The following TENM2 variants were observed in gnomAD, a reference collection of about 807,000 sequenced individuals.
The protein encoded by TENM2 is teneurin-2.
A neutral mutation model predicts 245.2 loss-of-function variants in TENM2; 52 were observed. The observed-to-expected ratio is 0.21, with a 90% CI of 0.17 to 0.27. The LOEUF (loss-of-function observed/expected upper bound fraction) is 0.27. TENM2 is among the 10% of genes least tolerant of loss of function. The probability of loss-of-function intolerance (pLI) is 1.00; values close to 1 mark genes in which losing one functional copy is unlikely to be tolerated. For missense variants in TENM2, 3,046 were observed against 3,666.8 expected, an observed-to-expected ratio of 0.83 and a Z score of 4.37; for synonymous variants, 1,363 against 1,438.9, an observed-to-expected ratio of 0.95 and a Z score of 1.19.
intron 2 of TENM2, among the ~76,000 whole-genome samples, chr5:167,752,055 G>A (rs979521317): frequency 4.0e-5 from 6 of 151,846 alleles, no homozygotes; most frequent in Non-Finnish European, 7.4e-5. Context: ...GCTTTTAGAA[G>A]GACTTACACA....
At chr5:167,402,116 A>C (rs1762398599) in intron 2 of TENM2, among the ~76,000 whole-genome samples, 2 of 152,158 alleles carry the variant, frequency 1.3e-5, no homozygotes, top group African/African-American at 4.8e-5. Context: ...ACAGACCTGA[A>C]TTTGAATCCC....
intron 1 of TENM2, among the ~76,000 whole-genome samples, chr5:167,313,351 C>T (rs1432697572): frequency 1.3e-5 from 2 of 152,130 alleles, no homozygotes; most frequent in Admixed American, 1.3e-4. Context: ...ATAAAATACA[C>T]TAATATGGGC....
intron 2 of TENM2, among the ~76,000 whole-genome samples, chr5:167,550,237 T>TACA (rs1772839160): frequency 6.6e-6 from 1 of 152,188 alleles, no homozygotes; most frequent in Non-Finnish European, 1.5e-5. Flanking sequence ...TGAATATACC[T>TACA]AGCTACAAGC....
intron 2 of TENM2, among the ~76,000 whole-genome samples, chr5:167,799,428 G>A (rs938678246): frequency 1.6e-4 from 25 of 152,152 alleles, no homozygotes; most frequent in Middle Eastern, 3.4e-3. Context: ...TTCTATTTAT[G>A]GCAGATACTT....
chr5:167,037,159 T>C, the TENM2 span, among the ~76,000 whole-genome samples: 6 of 152,230 alleles, frequency 3.9e-5, no homozygotes, highest in African/African-American at 1.2e-4. Flanking sequence ...AATGAATAAA[T>C]GTAAAGATTT....
chr5:168,163,306 A>G (rs576583990), intron 13 of TENM2, among the ~76,000 whole-genome samples: 17 of 152,332 alleles, frequency 1.1e-4, no homozygotes, highest in African/African-American at 4.1e-4. Flanking sequence ...TTGGCAAACT[A>G]TGGTCCATGG....
intron 9 of TENM2, among the ~76,000 whole-genome samples, chr5:168,102,611 C>T (rs951845590): frequency 5.9e-5 from 9 of 152,162 alleles, no homozygotes; most frequent in Non-Finnish European, 7.3e-5. Flanking sequence ...CAACTCATAA[C>T]TATTGGCTCC....
intron 2 of TENM2, among the ~76,000 whole-genome samples, chr5:167,806,349 G>A (rs1766168344): frequency 1.3e-5 from 2 of 151,988 alleles, no homozygotes; most frequent in African/African-American, 4.8e-5. Flanking sequence ...CAATGAGGTA[G>A]TATAGTGTAT....
intron 8 of TENM2, among the ~76,000 whole-genome samples, chr5:168,091,124 G>T (rs1380368321): frequency 6.6e-6 from 1 of 152,112 alleles, no homozygotes; most frequent in East Asian, 1.9e-4. Context: ...GGGCCATTGT[G>T]GGGATTAAAT....
At chr5:167,482,345 T>C (rs1265201176) in intron 2 of TENM2, among the ~76,000 whole-genome samples, 1 of 152,220 alleles carries the variant, frequency 6.6e-6, no homozygotes, top group Non-Finnish European at 1.5e-5. Flanking sequence ...GTGATTTGTA[T>C]GGTTGAATAC....
At chr5:167,692,150 C>T (rs757464870) in intron 2 of TENM2, among the ~76,000 whole-genome samples, 1 of 152,066 alleles carries the variant, frequency 6.6e-6, no homozygotes, top group Non-Finnish European at 1.5e-5. Flanking sequence ...GTGCTGGTCT[C>T]CCCTCACTAT....
At chr5:167,906,042 G>A (rs933329293) in intron 3 of TENM2, among the ~76,000 whole-genome samples, 1 of 152,036 alleles carries the variant, frequency 6.6e-6, no homozygotes, top group Admixed American at 6.5e-5. Context: ...TTCATTATTA[G>A]CACAGACTGT....
the TENM2 span, among the ~76,000 whole-genome samples, chr5:167,056,678 A>T: frequency 7.6e-6 from 1 of 130,782 alleles, no homozygotes; most frequent in East Asian, 2.7e-4. Context: ...CCATATATAT[A>T]TTACTTCCCT....
intron 3 of TENM2, among the ~76,000 whole-genome samples, chr5:167,924,613 C>T (rs954564276): frequency 1.1e-4 from 16 of 152,212 alleles, no homozygotes; most frequent in Non-Finnish European, 1.9e-4. Context: ...TCAGAAACAT[C>T]TGAAACTTAT....
chr5:167,827,628 C>CAGGGG (rs71593149), intron 2 of TENM2, among the ~76,000 whole-genome samples: 2 of 34,242 alleles, frequency 5.8e-5, no homozygotes, highest in Admixed American at 7.2e-4. Context: ...GCTAGGTGGG[C>CAGGGG]GGGGGGGGGG....
At chr5:167,668,177 G>C (rs1755695717) in intron 2 of TENM2, among the ~76,000 whole-genome samples, 1 of 151,896 alleles carries the variant, frequency 6.6e-6, no homozygotes, top group African/African-American at 2.4e-5. Context: ...CTCTTTCCTG[G>C]GGCTGCTTCG....
At chr5:167,682,361 C>G (rs1477809906) in intron 2 of TENM2, among the ~76,000 whole-genome samples, 1 of 151,852 alleles carries the variant, frequency 6.6e-6, no homozygotes, top group Non-Finnish European at 1.5e-5. Context: ...TGGGGTTTCA[C>G]TATGTTGGCC....
the TENM2 span, among the ~76,000 whole-genome samples, chr5:167,216,917 A>AC: frequency 6.6e-6 from 1 of 151,422 alleles, no homozygotes; most frequent in Non-Finnish European, 1.5e-5. Flanking sequence ...ACAGCGTGAG[A>AC]CCCCATCTCA....
the TENM2 span, among the ~76,000 whole-genome samples, chr5:166,995,677 G>T: frequency 6.6e-6 from 1 of 151,596 alleles, no homozygotes; most frequent in East Asian, 2.0e-4. Context: ...TTAGCCAGGC[G>T]TGGTGGCAGG....
Sources: gnomAD v4.1 joint callset for allele counts (sites outside exome capture counted in the v4.1 genomes callset) on GRCh38, gnomAD v4.1.1 for gene constraint, MANE v1.5 for transcripts, NCBI Gene and HGNC (gene_info 2026-07-23, HGNC 2026-07-21) for gene names.